Variants in SNAP25 observed in about 807,000 individuals in gnomAD.
SNAP25 encodes synaptosomal-associated protein 25.
A neutral mutation model predicts 28.7 loss-of-function variants in SNAP25; 3 were observed. The ratio of observed to expected loss-of-function variants is 0.10; its 90% CI spans 0.05 to 0.27. SNAP25 has a LOEUF of 0.27. SNAP25 is among the 10% of genes least tolerant of loss of function. The pLI is 1.00. For synonymous variants in SNAP25, 61 were observed against 88.1 expected, an observed-to-expected ratio of 0.69 and a Z score of 1.72; for missense variants, 117 against 278.7, an observed-to-expected ratio of 0.42 and a Z score of 4.13.
chr20:10,285,845 T>G (rs1480392065), intron 4 of SNAP25, among the ~76,000 whole-genome samples: 1 of 152,036 alleles, frequency 6.6e-6, no homozygotes, highest in East Asian at 1.9e-4. Context: ...TCACCAACAA[T>G]GACAAGATAC....
At chr20:10,287,874 T>C (rs1461067139) in intron 4 of SNAP25, among the ~76,000 whole-genome samples, 1 of 151,882 alleles carries the variant, frequency 6.6e-6, no homozygotes, top group African/African-American at 2.4e-5. Context: ...ATGGATGAAA[T>C]TGGAAATCAT....
chr20:10,282,039 T>C (rs1355218615), intron 3 of SNAP25, among the ~76,000 whole-genome samples: 1 of 152,062 alleles, frequency 6.6e-6, no homozygotes, highest in Non-Finnish European at 1.5e-5. Context: ...CCTGACCAAA[T>C]TGTCTCACAA....
At chr20:10,277,770 T>A (rs758922117) in intron 3 of SNAP25, 44 bp downstream of exon 3, 1 of 1,539,626 alleles carries the variant, frequency 6.5e-7, no homozygotes, top group Non-Finnish European at 9.0e-7. Context: ...AAATCCCTTA[T>A]GCTGATACAT....
At chr20:10,243,175 C>T (rs182375618) in intron 1 of SNAP25, among the ~76,000 whole-genome samples, 3 of 152,268 alleles carry the variant, frequency 2.0e-5, no homozygotes, top group East Asian at 1.9e-4. Flanking sequence ...AAGCCCAGGT[C>T]GTATCCTGAA....
At chr20:10,219,692 T>C (rs771866756) in intron 1 of SNAP25, 6 of 152,260 alleles carry the variant, frequency 3.9e-5, no homozygotes, top group Non-Finnish European at 7.3e-5. Flanking sequence ...GGGACAGCGG[T>C]CCGGCCGCAG....
chr20:10,234,262 A>C (rs1273552679), intron 1 of SNAP25, among the ~76,000 whole-genome samples: 1 of 152,144 alleles, frequency 6.6e-6, no homozygotes, highest in African/African-American at 2.4e-5. Flanking sequence ...AGATATGAAA[A>C]CTGGGACATA....
At chr20:10,271,566 T>C (rs1005595799) in intron 1 of SNAP25, among the ~76,000 whole-genome samples, 6 of 152,234 alleles carry the variant, frequency 3.9e-5, no homozygotes, top group Non-Finnish European at 8.8e-5. Flanking sequence ...GCCACATGGC[T>C]TCTCCGCCAT....
chr20:10,292,823 GT>G, intron 4 of SNAP25: 1 of 1,011,328 alleles, frequency 9.9e-7, no homozygotes, highest in Non-Finnish European at 1.5e-6. Context: ...CATTTCTCAT[GT>G]TCTGTTGGAG....
intron 1 of SNAP25, among the ~76,000 whole-genome samples, chr20:10,243,238 A>G (rs2206160): frequency 0.94 from 142,870 of 152,302 alleles, 67,140 homozygotes; most frequent in East Asian, 1. Flanking sequence ...TTTTATTTTG[A>G]AATATTTTTA....
chr20:10,264,030 A>C (rs1255375812), intron 1 of SNAP25, among the ~76,000 whole-genome samples: 1 of 152,150 alleles, frequency 6.6e-6, no homozygotes, highest in Non-Finnish European at 1.5e-5. Flanking sequence ...ACATTTGCAA[A>C]ACAGACAAAA....
intron 1 of SNAP25, among the ~76,000 whole-genome samples, chr20:10,264,024 T>C (rs1194515001): frequency 6.6e-6 from 1 of 152,062 alleles, no homozygotes; most frequent in Non-Finnish European, 1.5e-5. Context: ...TTAGCCACAT[T>C]TGCAAAACAG....
chr20:10,273,272 T>G (rs2063629858), intron 1 of SNAP25, among the ~76,000 whole-genome samples: 1 of 152,196 alleles, frequency 6.6e-6, no homozygotes, highest in African/African-American at 2.4e-5. Flanking sequence ...TCTCCCAGCT[T>G]CGGTTTTCAA....
chr20:10,248,687 C>T (rs1034686317), intron 1 of SNAP25, among the ~76,000 whole-genome samples: 2 of 152,270 alleles, frequency 1.3e-5, no homozygotes, highest in African/African-American at 2.4e-5. Flanking sequence ...GTAGTAGAGC[C>T]AGCATTCAAA....
At chr20:10,222,365 G>A (rs758196270) in intron 1 of SNAP25, among the ~76,000 whole-genome samples, 1 of 152,242 alleles carries the variant, frequency 6.6e-6, no homozygotes, top group Non-Finnish European at 1.5e-5. Flanking sequence ...GGAACAATCT[G>A]AGAGAAGAGG....
intron 1 of SNAP25, among the ~76,000 whole-genome samples, chr20:10,263,977 C>A (rs1278296741): frequency 6.6e-6 from 1 of 152,124 alleles, no homozygotes; most frequent in Non-Finnish European, 1.5e-5. Context: ...CAATCAGGAA[C>A]TGTTGCATAA....
At chr20:10,275,188 C>A (rs1419611379) in intron 1 of SNAP25, among the ~76,000 whole-genome samples, 2 of 152,122 alleles carry the variant, frequency 1.3e-5, no homozygotes, top group African/African-American at 4.8e-5. Context: ...GGTAGTTTGT[C>A]TCTTTAAAAA....
intron 1 of SNAP25, among the ~76,000 whole-genome samples, chr20:10,246,416 G>C (rs963751491): frequency 6.6e-6 from 1 of 152,216 alleles, no homozygotes. Flanking sequence ...TATCAATGAA[G>C]ACAGAATGAT....
At chr20:10,232,341 G>A (rs1385579847) in intron 1 of SNAP25, among the ~76,000 whole-genome samples, 1 of 152,208 alleles carries the variant, frequency 6.6e-6, no homozygotes, top group African/African-American at 2.4e-5. Flanking sequence ...GGAGTGGCAT[G>A]GAGGAATGTG....
intron 1 of SNAP25, among the ~76,000 whole-genome samples, chr20:10,255,683 G>T (rs363056): frequency 6.6e-6 from 1 of 152,158 alleles, no homozygotes; most frequent in Admixed American, 6.5e-5. Flanking sequence ...CACAGGAATC[G>T]TGGGTTAGAA....
Sources: gnomAD v4.1 joint callset for allele counts (sites outside exome capture counted in the v4.1 genomes callset) on GRCh38, gnomAD v4.1.1 for gene constraint, MANE v1.5 for transcripts, NCBI Gene and HGNC (gene_info 2026-07-23, HGNC 2026-07-21) for gene names.